The following DSC1 variants were observed in gnomAD, a reference collection of about 807,000 sequenced individuals.
The protein encoded by DSC1 is desmocollin 1, also known as desmocollin-1.
Under a neutral mutation model 98.8 loss-of-function variants are expected in DSC1, and 79 were observed. That is an observed-to-expected ratio of 0.80 (90% CI 0.67 to 0.96). The LOEUF (loss-of-function observed/expected upper bound fraction) is 0.96, where lower values mean the gene tolerates loss of function less well. Ranked by LOEUF, DSC1 falls within the 50% of genes least tolerant of loss-of-function variation. The pLI is 0.00. For synonymous variants in DSC1, 405 were observed against 372.1 expected (o/e 1.09, Z -1.02); for missense variants, 1,115 against 1,075.9 (o/e 1.04, Z -0.51).
intron 11 of DSC1, among the ~76,000 whole-genome samples, chr18:31,136,511 A>G (rs757867967): frequency 6.6e-6 from 1 of 152,168 alleles, no homozygotes; most frequent in Non-Finnish European, 1.5e-5. Flanking sequence ...ATGTTGATAA[A>G]AACAGATGAA....
chr18:31,157,560 C>T lies in DSC1; in HGVS notation c.162G>A (p.Glu54=). The T allele has an allele frequency of 6.2e-7, 1 of 1,614,188 alleles. No homozygotes were observed. Among genetic ancestry groups the T allele is most frequent in the Non-Finnish European group, 8.5e-7 (1 of 1,180,016 alleles). Residue 54 remains glutamate, a synonymous_variant, in exon 3 of 16, where the codon GAG becomes GAA. Coordinates refer to ENST00000257198, the MANE Select transcript of DSC1 (RefSeq NM_024421.2). Reference sequence around the variant, plus strand: ...GGATTAGGCTGGCCGACTTGAGACACTCCTCCAGATTCACTGCAGGGAAGA... The same window carrying T: ...GGATTAGGCTGGCCGACTTGAGACATTCCTCCAGATTCACTGCAGGGAAGA... ...ETLVGKVNLE[E]CLKSASLIRS...
chr18:31,139,401 A>T (rs1407077071), intron 11 of DSC1, among the ~76,000 whole-genome samples: 6 of 152,242 alleles, frequency 3.9e-5, no homozygotes, highest in Admixed American at 1.3e-4. Flanking sequence ...CTAAACCTGT[A>T]CTTCTGAAAA....
At chr18:31,156,666 C>G (rs1202154504) in intron 3 of DSC1, among the ~76,000 whole-genome samples, 1 of 152,132 alleles carries the variant, frequency 6.6e-6, no homozygotes, top group African/African-American at 2.4e-5. Flanking sequence ...GGAGTTCATA[C>G]AATCAAAAAG....
At chr18:31,136,139 G>T (rs1988604388) in intron 11 of DSC1, among the ~76,000 whole-genome samples, 1 of 151,854 alleles carries the variant, frequency 6.6e-6, no homozygotes, top group South Asian at 2.1e-4. Flanking sequence ...GCTATTTGTT[G>T]AAGAAATTTG....
In DSC1 at chr18:31,140,080, T is replaced by C. The variant is rs142308900; in HGVS notation, c.1482A>G (p.Lys494=). ...FPAGQELLGY[K]ALDPEISSGE... ...CACTGGATATTTCCGGGTCCAGTGC[T>C]TTGTATCCAAGGAGTTCTTGGCCAG... The change falls in exon 10 of 16, where the codon AAA becomes AAG. Residue 494 remains lysine (K), a synonymous_variant. Coordinates refer to ENST00000257198, the MANE Select transcript of DSC1 (RefSeq NM_024421.2). The C allele has an allele frequency of 3.1e-6, 5 of 1,613,924 alleles. No homozygotes were observed. In the African/African-American group the frequency reaches 5.3e-5, roughly 17 times the overall value.
chr18:31,143,604 G>GT (rs1988781999), intron 8 of DSC1, 53 bp downstream of exon 8: 1 of 1,389,226 alleles, frequency 7.2e-7, no homozygotes, highest in East Asian at 2.6e-5. Flanking sequence ...TTCTAGACAT[G>GT]TTTTTTGAAA....
intron 9 of DSC1, among the ~76,000 whole-genome samples, chr18:31,141,407 T>G (rs1988732060): frequency 6.6e-6 from 1 of 152,148 alleles, no homozygotes; most frequent in African/African-American, 2.4e-5. Context: ...AAGAAGTCAA[T>G]GAGAGCTATG....
intron 2 of DSC1, among the ~76,000 whole-genome samples, chr18:31,159,047 GTTTTTT>G (rs560889140): frequency 2.8e-5 from 2 of 71,098 alleles, no homozygotes; most frequent in African/African-American, 1.2e-4. Context: ...CTACTATGTG[GTTTTTT>G]TTTTTTTTTT....
intron 3 of DSC1, 78 bp downstream of exon 3, chr18:31,157,293 C>T: frequency 1.4e-6 from 2 of 1,409,306 alleles, no homozygotes; most frequent in Non-Finnish European, 9.7e-7. Flanking sequence ...TAACATGAAA[C>T]ACGTTAAAAC....
chr18:31,134,088 T>C lies in DSC1; in HGVS notation c.1919A>G (p.Asn640Ser). Residue 640 changes from asparagine to serine, a missense_variant, in exon 13 of 16, where the codon AAC becomes AGC. Physicochemically the swap from Asn to Ser is conservative, Grantham distance 46. Transcript: ENST00000257198. ...ILRQRQNLDY[N>S]YYSVPIQIKD... Reference sequence around the variant, plus strand: ...TATTTGAATAGGCACAGAATAATAGTTATAATCAAGATTTTGCCGTTGACG... The same window carrying C: ...TATTTGAATAGGCACAGAATAATAGCTATAATCAAGATTTTGCCGTTGACG... 1 of 1,609,070 alleles carries C rather than the reference T, an allele frequency of 6.2e-7. No individual in the cohort carries two copies.
At chr18:31,138,541 A>T (rs1342133206) in intron 11 of DSC1, among the ~76,000 whole-genome samples, 1 of 152,074 alleles carries the variant, frequency 6.6e-6, no homozygotes, top group East Asian at 1.9e-4. Flanking sequence ...AAATGAGTAA[A>T]CATAAAGTCT....
intron 12 of DSC1, 106 bp from the exon 13 acceptor site, chr18:31,134,236 G>C: frequency 7.2e-7 from 1 of 1,395,598 alleles, no homozygotes; most frequent in East Asian, 2.3e-5. Flanking sequence ...ATAAAAACTC[G>C]AATTTTTCTT....
At chr18:31,152,628 G>A (rs1386665759) in intron 5 of DSC1, among the ~76,000 whole-genome samples, 5 of 151,992 alleles carry the variant, frequency 3.3e-5, no homozygotes, top group African/African-American at 1.2e-4. Flanking sequence ...TTAATGATCA[G>A]AACACTACTG....
Position 31,162,513 on chromosome 18 carries a change from T to A in DSC1, c.63+19A>T. On this transcript the variant is annotated intron_variant, in intron 1 of 15. Transcript: ENST00000257198. Reference sequence around the variant, plus strand: ...GTAGTAACATGCTTGAATTCCCTAATCCTTTGGTTGTTACTCACCAGGAGA... The same window carrying A: ...GTAGTAACATGCTTGAATTCCCTAAACCTTTGGTTGTTACTCACCAGGAGA... 1 of 1,613,278 alleles carries A rather than the reference T, an allele frequency of 6.2e-7. No homozygotes were observed. The highest frequency in any genetic ancestry group is 8.5e-7 in the Non-Finnish European group (1 of 1,179,336).
At chr18:31,131,572 C>T (rs1387627518) in intron 15 of DSC1, 22 bp downstream of exon 15, 10 of 1,613,014 alleles carry the variant, frequency 6.2e-6, no homozygotes, top group Non-Finnish European at 8.5e-6. Flanking sequence ...TGTAATATGA[C>T]CTCAAAGACA....
rs185002740 is a variant in DSC1 at position 31,138,578 on chromosome 18, G to T, written c.1663+1170C>A. Among the ~76,000 whole-genome samples, 4 of 150,456 alleles carry T rather than the reference G, an allele frequency of 2.7e-5. 1 individual carries two copies. The highest frequency in any genetic ancestry group is 9.8e-5 in the African/African-American group (4 of 40,922). ...CTTTGCCAACATAGAAAAAAGTAGG[G>T]GTATAATATCTGAGAACACATTGTT... is the stretch of plus-strand genomic sequence containing the variant. On this transcript the variant is annotated intron_variant, in intron 11 of 15. Coordinates refer to ENST00000257198, the MANE Select transcript of DSC1 (RefSeq NM_024421.2).
rs1183550579 is a variant in DSC1 at position 31,131,839 on chromosome 18, C to T, written c.2242G>A (p.Ala748Thr). 3.1e-6 allele frequency: 5 copies of T among 1,613,574 alleles called. No homozygotes were observed. The highest frequency in any genetic ancestry group is 4.2e-6 in the Non-Finnish European group (5 of 1,179,754). ...TEGPGEEVTEANIRLPMQTSN... is the reference protein window; with the variant it reads ...TEGPGEEVTETNIRLPMQTSN... ...GTCTGCATGGGGAGTCTAATATTTG[C>T]TTCCTAAAAGTAAAGTGAGAGTGAT... Residue 748 changes from alanine to threonine, a missense_variant, in exon 15 of 16, where the codon GCA becomes ACA. Physicochemically the swap from Ala to Thr is moderately conservative, Grantham distance 58 (BLOSUM62 0). Coordinates refer to ENST00000257198, the MANE Select transcript of DSC1 (RefSeq NM_024421.2).
intron 15 of DSC1, 194 bp from the exon 16 acceptor site, chr18:31,130,905 A>C: frequency 2.1e-6 from 3 of 1,446,770 alleles, no homozygotes; most frequent in Non-Finnish European, 2.8e-6. Flanking sequence ...CAAATAAATA[A>C]ATGCTTCTAG....
In DSC1 at chr18:31,149,125, T is replaced by C. The variant is rs114728388; in HGVS notation, c.628-483A>G. Among the ~76,000 whole-genome samples the C allele has an allele frequency of 7.8e-3, 1,184 of 152,302 alleles. 16 individuals carry two copies. The highest frequency in any genetic ancestry group is 0.027 in the African/African-American group (1,129 of 41,568). On this transcript the variant is annotated intron_variant, in intron 5 of 15. Coordinates refer to ENST00000257198, the MANE Select transcript of DSC1 (RefSeq NM_024421.2). ...TATTTCTTTGCAATAAAAATGTTAA[T>C]AAAAGCATATACATACCAGAAATTC...
Sources: gnomAD v4.1 joint callset for allele counts (sites outside exome capture counted in the v4.1 genomes callset) on GRCh38, gnomAD v4.1.1 for gene constraint, MANE v1.5 for transcripts, NCBI Gene and HGNC (gene_info 2026-07-23, HGNC 2026-07-21) for gene names.